The following ART3 variants were observed in gnomAD, a reference collection of about 807,000 sequenced individuals.
The protein encoded by ART3 is ADP-ribosyltransferase 3 (inactive).
In ART3, 49 loss-of-function variants were observed where a neutral mutation model predicts 48.5. That is an observed-to-expected ratio of 1.01 (90% CI 0.80 to 1.28). ART3 has a LOEUF of 1.28. Ranked by LOEUF, ART3 falls within the 50% of genes most tolerant of loss-of-function variation. ART3 has a pLI of 0.00. For synonymous variants in ART3, 145 were observed against 157.2 expected (o/e 0.92, Z 0.58); for missense variants, 438 against 454.3 (o/e 0.96, Z 0.33).
intron 1 of ART3, among the ~76,000 whole-genome samples, chr4:76,050,310 G>A (rs539880818): frequency 6.6e-6 from 1 of 152,236 alleles, no homozygotes; most frequent in East Asian, 1.9e-4. Flanking sequence ...GCTGATAGGT[G>A]GGTTTACAAT....
chr4:76,094,956 G>C (rs1249597176), intron 3 of ART3, among the ~76,000 whole-genome samples: 1 of 152,156 alleles, frequency 6.6e-6, no homozygotes, highest in Non-Finnish European at 1.5e-5. Flanking sequence ...TTTCAAATTA[G>C]TAGGCATAAA....
chr4:76,042,030 A>C (rs1171457460), intron 1 of ART3, among the ~76,000 whole-genome samples: 1 of 152,110 alleles, frequency 6.6e-6, no homozygotes, highest in Non-Finnish European at 1.5e-5. Flanking sequence ...TCCCAGGTTC[A>C]CCCACTTAAA....
At chr4:76,047,137 C>T (rs1055476617) in intron 1 of ART3, among the ~76,000 whole-genome samples, 2 of 151,976 alleles carry the variant, frequency 1.3e-5, no homozygotes, top group African/African-American at 4.8e-5. Flanking sequence ...GAGGGGGCAG[C>T]TTGTTTCTCA....
chr4:76,066,692 G>A (rs1481815721), intron 1 of ART3, among the ~76,000 whole-genome samples: 6 of 152,074 alleles, frequency 3.9e-5, no homozygotes, highest in Non-Finnish European at 8.8e-5. Flanking sequence ...GCCTGGAAAA[G>A]GCACCAGTGT....
upstream of ART3, among the ~76,000 whole-genome samples, chr4:76,074,145 G>A (rs1330419795): frequency 6.6e-6 from 1 of 152,138 alleles, no homozygotes; most frequent in African/African-American, 2.4e-5. Flanking sequence ...GTAGTTGCAG[G>A]CATTACCAAA....
chr4:76,083,064 G>A (rs950638697), intron 3 of ART3, among the ~76,000 whole-genome samples: 2 of 152,158 alleles, frequency 1.3e-5, no homozygotes, highest in African/African-American at 4.8e-5. Flanking sequence ...CAGGCATGGT[G>A]GCACATGCCT....
chr4:76,022,697 T>G, intron 1 of ART3: 1 of 1,613,770 alleles, frequency 6.2e-7, no homozygotes, highest in Non-Finnish European at 8.5e-7. Context: ...TCACATGATC[T>G]CAACACGTGG....
intron 1 of ART3, among the ~76,000 whole-genome samples, chr4:76,030,089 C>G (rs1459909147): frequency 6.6e-6 from 1 of 152,160 alleles, no homozygotes; most frequent in Non-Finnish European, 1.5e-5. Context: ...GAGTCTCGCT[C>G]TATGTAGCCC....
intron 3 of ART3, among the ~76,000 whole-genome samples, chr4:76,084,074 A>G (rs956762911): frequency 6.6e-6 from 1 of 152,034 alleles, no homozygotes. Flanking sequence ...AGTTTTTTTA[A>G]TATCCAATCA....
chr4:76,026,719 A>G (rs1454221656), intron 1 of ART3, among the ~76,000 whole-genome samples: 1 of 152,230 alleles, frequency 6.6e-6, no homozygotes, highest in African/African-American at 2.4e-5. Context: ...GTAATTAAGC[A>G]TTGAATGAAT....
chr4:76,074,152 C>A (rs1720619634), upstream of ART3, among the ~76,000 whole-genome samples: 1 of 152,150 alleles, frequency 6.6e-6, no homozygotes, highest in Non-Finnish European at 1.5e-5. Context: ...CAGGCATTAC[C>A]AAATCCTTCC....
At chr4:76,046,142 C>A (rs986538436) in intron 1 of ART3, among the ~76,000 whole-genome samples, 8 of 151,896 alleles carry the variant, frequency 5.3e-5, no homozygotes, top group African/African-American at 1.7e-4. Flanking sequence ...CAGTGCCTGA[C>A]CAAACAGATG....
intron 1 of ART3, among the ~76,000 whole-genome samples, chr4:76,039,565 TAAC>T (rs899571812): frequency 5.9e-5 from 9 of 152,162 alleles, no homozygotes; most frequent in Admixed American, 3.9e-4. Context: ...TAAATTATAA[TAAC>T]CATGAATATA....
intron 2 of ART3, 121 bp from the exon 3 acceptor site, chr4:76,081,703 T>C (rs1722512024): frequency 1.1e-6 from 1 of 939,504 alleles, no homozygotes; most frequent in Non-Finnish European, 1.6e-6. Flanking sequence ...CTACCCAAAA[T>C]TGGTTATAAG....
chr4:76,042,781 G>C (rs7375636), intron 1 of ART3, among the ~76,000 whole-genome samples: 90,321 of 150,902 alleles, frequency 0.6, 27,881 homozygotes, highest in East Asian at 0.93. Flanking sequence ...GCAGCAGCAA[G>C]ATTTATTGCA....
chr4:76,059,978 A>C (rs1423960524), intron 1 of ART3, among the ~76,000 whole-genome samples: 2 of 152,198 alleles, frequency 1.3e-5, no homozygotes, highest in Non-Finnish European at 2.9e-5. Flanking sequence ...ATCAGAACCT[A>C]CTTTCCTATA....
chr4:76,047,439 T>C (rs1735615019), intron 1 of ART3, among the ~76,000 whole-genome samples: 1 of 152,006 alleles, frequency 6.6e-6, no homozygotes, highest in African/African-American at 2.4e-5. Context: ...GATTGGGTAA[T>C]AAACTTACCC....
intron 9 of ART3, 186 bp from the exon 10 acceptor site, chr4:76,104,411 C>T: frequency 4.1e-6 from 4 of 985,402 alleles, no homozygotes; most frequent in Non-Finnish European, 4.8e-6. Flanking sequence ...GCAGAAGACT[C>T]CTCTAATCAT....
chr4:76,036,102 A>G (rs1341758825), intron 1 of ART3: 2 of 862,588 alleles, frequency 2.3e-6, no homozygotes, highest in Non-Finnish European at 3.7e-6. Context: ...GCATATATAG[A>G]GCATTTTATA....
Sources: allele counts gnomAD v4.1 joint callset (sites outside exome capture counted in the v4.1 genomes callset), GRCh38; gene constraint gnomAD v4.1.1; transcripts MANE v1.5; gene names NCBI Gene and HGNC (gene_info 2026-07-23, HGNC 2026-07-21).